The following INTS9 variants were observed in gnomAD, a reference collection of about 807,000 sequenced individuals.
INTS9 encodes the protein protein related to CPSF subunits of 74 kDa.
Under a neutral mutation model 79.7 loss-of-function variants are expected in INTS9, and 55 were observed. That is an observed-to-expected ratio of 0.69 (90% confidence interval 0.56 to 0.86). The LOEUF (loss-of-function observed/expected upper bound fraction) is 0.86, where lower values mean the gene tolerates loss of function less well. Among genes scored for constraint, INTS9 ranks in the 40% least tolerant of loss-of-function variants. The pLI, the probability that INTS9 is intolerant of heterozygous loss-of-function variation, is 0.00. For synonymous variants in INTS9, 319 were observed against 325.2 expected (o/e 0.98, Z 0.20); for missense variants, 721 against 831.5 (o/e 0.87, Z 1.64).
At chr8:28,850,879 T>C (rs1218530106) in intron 2 of INTS9, among the ~76,000 whole-genome samples, 4 of 152,196 alleles carry the variant, frequency 2.6e-5, no homozygotes, top group Non-Finnish European at 4.4e-5. Flanking sequence ...ATGTCTAAAG[T>C]GAACAGCTTC....
At chr8:28,773,279 C>CAT (rs1802662442) in intron 14 of INTS9, among the ~76,000 whole-genome samples, 1 of 151,814 alleles carries the variant, frequency 6.6e-6, no homozygotes, top group African/African-American at 2.4e-5. Context: ...CTGGCTAACA[C>CAT]GATGAAACCC....
At chr8:28,861,598 GA>G (rs996227777) in intron 1 of INTS9, among the ~76,000 whole-genome samples, 2 of 151,766 alleles carry the variant, frequency 1.3e-5, no homozygotes, top group African/African-American at 4.8e-5. Context: ...TTTATAATCA[GA>G]AAAAAAATGT....
At chr8:28,794,491 A>C (rs1343032281) in intron 9 of INTS9, among the ~76,000 whole-genome samples, 1 of 152,236 alleles carries the variant, frequency 6.6e-6, no homozygotes, top group East Asian at 1.9e-4. Flanking sequence ...CTATAACTTG[A>C]GGGCTGGTGG....
intron 8 of INTS9, among the ~76,000 whole-genome samples, chr8:28,800,754 C>T (rs1804469607): frequency 6.6e-6 from 1 of 152,150 alleles, no homozygotes; most frequent in South Asian, 2.1e-4. Context: ...TCTCCTATAG[C>T]CTAGTTAACT....
At chr8:28,858,181 T>C (rs1808276751) in intron 2 of INTS9, among the ~76,000 whole-genome samples, 1 of 152,190 alleles carries the variant, frequency 6.6e-6, no homozygotes, top group South Asian at 2.1e-4. Context: ...GAATCTCTCA[T>C]GGTACCTTAG....
chr8:28,807,798 C>T (rs1804891593), intron 8 of INTS9, among the ~76,000 whole-genome samples: 1 of 152,200 alleles, frequency 6.6e-6, no homozygotes, highest in African/African-American at 2.4e-5. Context: ...TTTCCTTTTA[C>T]AGCCTTATAC....
At chr8:28,872,412 C>T (rs1783803838) in intron 1 of INTS9, among the ~76,000 whole-genome samples, 2 of 152,254 alleles carry the variant, frequency 1.3e-5, no homozygotes, top group African/African-American at 2.4e-5. Context: ...AGCATTGTCT[C>T]TCATTAACTA....
intron 16 of INTS9, chr8:28,769,628 A>ATG (rs1311286475): frequency 6.7e-6 from 3 of 444,612 alleles, no homozygotes; most frequent in Non-Finnish European, 1.2e-5. Flanking sequence ...CACTCGTCAC[A>ATG]TGTGTGTGTG....
intron 1 of INTS9, among the ~76,000 whole-genome samples, chr8:28,861,067 C>T (rs1396255474): frequency 6.6e-6 from 1 of 152,164 alleles, no homozygotes; most frequent in East Asian, 1.9e-4. Context: ...TTATATTTTA[C>T]CAAACCAAAA....
At chr8:28,885,179 C>G (rs906596689) in intron 1 of INTS9, among the ~76,000 whole-genome samples, 1 of 152,172 alleles carries the variant, frequency 6.6e-6, no homozygotes, top group Non-Finnish European at 1.5e-5. Flanking sequence ...GCATTTTGAA[C>G]AAAGGAGCAA....
At chr8:28,804,688 A>G (rs1437490678) in intron 8 of INTS9, among the ~76,000 whole-genome samples, 5 of 152,246 alleles carry the variant, frequency 3.3e-5, no homozygotes, top group African/African-American at 1.2e-4. Flanking sequence ...CAAGGAAGGC[A>G]GCATCTACTA....
chr8:28,824,578 G>A (rs548105602), intron 6 of INTS9, among the ~76,000 whole-genome samples: 17 of 152,270 alleles, frequency 1.1e-4, no homozygotes, highest in East Asian at 1.9e-4. Flanking sequence ...GCTCACTCAC[G>A]TGCTCTTTGG....
intron 11 of INTS9, among the ~76,000 whole-genome samples, chr8:28,785,048 G>T (rs1214568384): frequency 2.0e-5 from 3 of 152,158 alleles, no homozygotes; most frequent in Admixed American, 6.5e-5. Context: ...GAGCATCCTC[G>T]ACTTGGGTCT....
chr8:28,882,455 CAATA>C (rs1209438627), intron 1 of INTS9, among the ~76,000 whole-genome samples: 3 of 51,940 alleles, frequency 5.8e-5, no homozygotes, highest in African/African-American at 2.4e-4. Flanking sequence ...CAAGAATGAT[CAATA>C]AAAAAAAAAA....
At chr8:28,797,184 G>A (rs921238808) in intron 8 of INTS9, among the ~76,000 whole-genome samples, 5 of 152,100 alleles carry the variant, frequency 3.3e-5, no homozygotes, top group Admixed American at 6.6e-5. Context: ...TGCCATTGCC[G>A]GCCTGGGGAA....
intron 11 of INTS9, chr8:28,783,890 G>A (rs1803438536): frequency 6.6e-6 from 1 of 152,196 alleles, no homozygotes; most frequent in African/African-American, 2.4e-5. Flanking sequence ...TGATGAATGT[G>A]ATTCTAAGAA....
In INTS9 at chr8:28,780,941, G is replaced by A. The variant is rs1803224240; in HGVS notation, c.1152C>T (p.Ser384=). The part of the protein sequence containing the change: ...KHYPSIHGDF[S]NDFRQPCVVF... ...CCACACAGGGCTGTCTAAAGTCGTT[G>A]CTGAAGTCTCCGTGGATGCTGGGGT... Residue 384 remains serine (S), a synonymous_variant, in exon 12 of 17, where the codon AGC becomes AGT. Transcript: ENST00000521022. The A allele has an allele frequency of 1.2e-6, 2 of 1,614,184 alleles. No homozygotes were observed. Among genetic ancestry groups the A allele is most frequent in the Non-Finnish European group, 1.7e-6 (2 of 1,180,008 alleles).
At chr8:28,776,205 T>G in intron 13 of INTS9, 2 of 314,906 alleles carry the variant, frequency 6.4e-6, no homozygotes, top group Middle Eastern at 8.6e-4. Flanking sequence ...ATGTGTCTGC[T>G]CCCAGCGGTC....
At chr8:28,840,790 T>G (rs1200831597) in intron 4 of INTS9, among the ~76,000 whole-genome samples, 2 of 78,420 alleles carry the variant, frequency 2.6e-5, no homozygotes, top group African/African-American at 5.3e-5. Flanking sequence ...TGGGGACTGT[T>G]GTGGGGTGGG....
Sources: allele counts gnomAD v4.1 joint callset (sites outside exome capture counted in the v4.1 genomes callset), GRCh38; gene constraint gnomAD v4.1.1; transcripts MANE v1.5; gene names NCBI Gene and HGNC (gene_info 2026-07-23, HGNC 2026-07-21).